NTRK2: variants seen among roughly 807,000 people sequenced by gnomAD.
The protein encoded by NTRK2 is neurotrophic receptor tyrosine kinase 2, also known as BDNF/NT-3 growth factors receptor.
In NTRK2, 13 loss-of-function variants were observed where a neutral mutation model predicts 94.5. That is an observed-to-expected ratio of 0.14 (90% CI 0.09 to 0.22). NTRK2 has a LOEUF of 0.22. Ranked by LOEUF, NTRK2 falls within the 10% of genes least tolerant of loss-of-function variation. NTRK2 has a pLI of 1.00. For missense variants in NTRK2, 639 were observed against 1,071.2 expected (o/e 0.60, Z 5.63); for synonymous variants, 372 against 407.4 (o/e 0.91, Z 1.05).
At position 84,981,215 on chromosome 9, in the gene NTRK2, G is replaced by A. The variant is rs1827559358; in HGVS notation, c.2172+25698G>A. Among the ~76,000 whole-genome samples the A allele has an allele frequency of 2.0e-5, 3 of 151,952 alleles. No homozygotes were observed. The South Asian group carries it at 6.3e-4, about 32-fold the overall frequency. ...CCTGCCTCAGGCTCCCAAGTAGCTG[G>A]GATTACAGGCACACACCACCATGCC... On this transcript the variant is annotated intron_variant, in intron 17 of 18. Transcript: ENST00000277120.
At chr9:84,724,069 CT>C (rs1270325274) in intron 7 of NTRK2, among the ~76,000 whole-genome samples, 154 bp from the exon 8 acceptor site, 2 of 152,188 alleles carry the variant, frequency 1.3e-5, no homozygotes, top group Non-Finnish European at 2.9e-5. Flanking sequence ...AGAATAACTT[CT>C]GATTTACTTC....
At chr9:84,920,269 A>G (rs970717993) in intron 14 of NTRK2, among the ~76,000 whole-genome samples, 1 of 152,204 alleles carries the variant, frequency 6.6e-6, no homozygotes, top group African/African-American at 2.4e-5. Context: ...GGGGGACCCT[A>G]GATCAGAGAA....
chr9:84,992,360 C>T (rs1007807442), intron 17 of NTRK2, among the ~76,000 whole-genome samples: 3 of 151,828 alleles, frequency 2.0e-5, no homozygotes, highest in African/African-American at 7.3e-5. Flanking sequence ...TCTATCTGAG[C>T]ATATTTTCTC....
At position 84,727,752 on chromosome 9, in the gene NTRK2, T is replaced by A; in HGVS notation, c.952T>A (p.Phe318Ile). Residue 318 changes from phenylalanine to isoleucine, a missense_variant, in exon 9 of 19, where the codon TTC becomes ATC. Transcript: ENST00000277120. ...KGNPKPALQW[F>I]YNGAILNESK... Reference sequence around the variant, plus strand: ...CAACCCCAAACCAGCGCTTCAGTGGTTCTATAACGGGGCAATATTGAATGA... The same window carrying A: ...CAACCCCAAACCAGCGCTTCAGTGGATCTATAACGGGGCAATATTGAATGA... 1 of 1,614,190 alleles carries A rather than the reference T, an allele frequency of 6.2e-7. No homozygotes were observed. The highest frequency in any genetic ancestry group is 1.3e-5 in the African/African-American group (1 of 75,042).
At chr9:84,938,409 T>G (rs998395580) in intron 15 of NTRK2, among the ~76,000 whole-genome samples, 1 of 152,184 alleles carries the variant, frequency 6.6e-6, no homozygotes, top group Non-Finnish European at 1.5e-5. Context: ...CATCCACGCA[T>G]CAGCTCTCAG....
At chr9:84,702,959 A>G (rs139777643) in intron 4 of NTRK2, among the ~76,000 whole-genome samples, 1 of 152,352 alleles carries the variant, frequency 6.6e-6, no homozygotes, top group African/African-American at 2.4e-5. Flanking sequence ...ACAATGGGAA[A>G]TATTTCCCCA....
At chr9:84,866,972 C>T (rs370790330) in intron 13 of NTRK2, among the ~76,000 whole-genome samples, 6 of 152,094 alleles carry the variant, frequency 3.9e-5, no homozygotes, top group East Asian at 1.9e-4. Flanking sequence ...CAAAAGACCA[C>T]GTGTTATATG....
At chr9:84,928,076 A>G (rs1474486673) in intron 14 of NTRK2, among the ~76,000 whole-genome samples, 2 of 152,200 alleles carry the variant, frequency 1.3e-5, no homozygotes, top group Non-Finnish European at 2.9e-5. Context: ...CATCCTTAAT[A>G]TTATTTATGA....
In NTRK2 at chr9:85,024,459, G is replaced by A. The variant is rs1040775690; in HGVS notation, c.*3022G>A. ...ATAGTTTTCCAAACACTTTCCATGT[G>A]TGTTAGCAAATTATTCCTATTTTGT... On this transcript the variant is annotated 3_prime_UTR_variant, in exon 19 of 19. Transcript: ENST00000277120. 2 of 232,872 alleles carry A rather than the reference G, an allele frequency of 8.6e-6. No homozygotes were observed. The highest frequency in any genetic ancestry group is 1.7e-5 in the Non-Finnish European group (2 of 117,910). 14.4% of individuals were successfully genotyped at this position (232,872 alleles called of 1,614,324 possible). A position where few individuals can be genotyped will look rare whatever the true frequency, so the allele number is the denominator to read the frequency against.
At chr9:85,001,562 G>GC (rs35858436) in intron 17 of NTRK2, among the ~76,000 whole-genome samples, 111,133 of 152,104 alleles carry the variant, frequency 0.73, 41,256 homozygotes, top group African/African-American at 0.82. Context: ...TTCTCTTGAA[G>GC]CCCTTATTTG....
chr9:84,746,114 A>G (rs759568576), intron 11 of NTRK2, among the ~76,000 whole-genome samples: 3 of 152,208 alleles, frequency 2.0e-5, no homozygotes, highest in Non-Finnish European at 2.9e-5. Flanking sequence ...GGCCAAGTCC[A>G]GCTCACCACC....
intron 12 of NTRK2, among the ~76,000 whole-genome samples, chr9:84,755,902 T>A (rs1174460697): frequency 6.6e-6 from 1 of 152,150 alleles, no homozygotes; most frequent in Non-Finnish European, 1.5e-5. Flanking sequence ...TCCATAAAGA[T>A]GTCAAGGGGT....
chr9:84,821,032 A>C (rs1287815621), intron 12 of NTRK2, among the ~76,000 whole-genome samples: 1 of 152,054 alleles, frequency 6.6e-6, no homozygotes, highest in Non-Finnish European at 1.5e-5. Context: ...TCTGCTCTTC[A>C]TTTTGGTGGC....
intron 14 of NTRK2, chr9:84,872,895 A>G: frequency 9.4e-7 from 1 of 1,065,350 alleles, no homozygotes; most frequent in Non-Finnish European, 1.1e-6. Flanking sequence ...TGCTCCCCTC[A>G]ACAGCCACAG....
intron 12 of NTRK2, among the ~76,000 whole-genome samples, chr9:84,789,469 C>T (rs1004095083): frequency 2.0e-5 from 3 of 152,100 alleles, no homozygotes; most frequent in Admixed American, 2.0e-4. Flanking sequence ...TGTCCACCAG[C>T]GGAAAACACC....
At chr9:84,782,560 C>A (rs1197482049) in intron 12 of NTRK2, among the ~76,000 whole-genome samples, 1 of 152,172 alleles carries the variant, frequency 6.6e-6, no homozygotes, top group African/African-American at 2.4e-5. Context: ...AACAAATAAT[C>A]AAGAGCCATC....
At chr9:84,972,167 G>A (rs1158886104) in intron 17 of NTRK2, among the ~76,000 whole-genome samples, 2 of 152,178 alleles carry the variant, frequency 1.3e-5, no homozygotes, top group African/African-American at 4.8e-5. Context: ...CCTAAATGTG[G>A]ACATACTAGC....
At chr9:84,812,954 C>CT (rs557205494) in intron 12 of NTRK2, 19 of 1,032,178 alleles carry the variant, frequency 1.8e-5, no homozygotes, top group Middle Eastern at 4.5e-4. Flanking sequence ...GTGTTCTTTT[C>CT]TTTTTTTTAA....
At chr9:84,777,438 C>G (rs1332888557) in intron 12 of NTRK2, among the ~76,000 whole-genome samples, 2 of 152,168 alleles carry the variant, frequency 1.3e-5, no homozygotes, top group Non-Finnish European at 2.9e-5. Flanking sequence ...GTTAATTTCC[C>G]TTTGCTCTGG....
Sources: allele counts gnomAD v4.1 joint callset (sites outside exome capture counted in the v4.1 genomes callset), GRCh38; gene constraint gnomAD v4.1.1; transcripts MANE v1.5; gene names NCBI Gene and HGNC (gene_info 2026-07-23, HGNC 2026-07-21).